Variants in KCND2 observed in about 807,000 individuals in gnomAD.
KCND2 encodes potassium voltage-gated channel subfamily D member 2, also known as A-type voltage-gated potassium channel KCND2.
KCND2 carries 16 observed loss-of-function variants against 54.4 expected under a neutral mutation model. That is an observed-to-expected ratio of 0.29 (90% CI 0.20 to 0.45). KCND2 has a LOEUF of 0.45. Among genes scored for constraint, KCND2 ranks in the 20% least tolerant of loss-of-function variants. The pLI is 1.00. For missense variants in KCND2, 486 were observed against 824.2 expected (o/e 0.59, Z 5.02); for synonymous variants, 317 against 310.7 (o/e 1.02, Z -0.21).
At chr7:120,696,287 G>A (rs1792331663) in intron 1 of KCND2, among the ~76,000 whole-genome samples, 1 of 152,158 alleles carries the variant, frequency 6.6e-6, no homozygotes. Context: ...GAAAAATACA[G>A]TCTGATCTGA....
chr7:120,274,709 C>G lies in KCND2; in HGVS notation c.77C>G (p.Pro26Arg). Residue 26 changes from proline to arginine, a missense_variant, in exon 1 of 6, where the codon CCT (proline) becomes CGT (arginine). By Grantham distance (103) the Pro-to-Arg change is moderately radical. Around this residue, in one of 7 missense-constraint regions of KCND2, gnomAD observed 231 missense variants for 386.0 expected, o/e 0.60. Coordinates refer to ENST00000331113, the MANE Select transcript of KCND2 (RefSeq NM_012281.3). ...GGGTGGATGCCTGTGGCCTCGGGGCCTATGCCGGCTCCCCCGAGGCAGGAG... is the reference window on the plus strand; with the variant it reads ...GGGTGGATGCCTGTGGCCTCGGGGCGTATGCCGGCTCCCCCGAGGCAGGAG... ...AIGWMPVASG[P>R]MPAPPRQERK... The G allele has an allele frequency of 6.2e-7, 1 of 1,613,818 alleles. No individual in the cohort carries two copies. The highest frequency in any genetic ancestry group is 8.5e-7 in the Non-Finnish European group (1 of 1,179,966).
rs1335605859 is a variant in KCND2 at position 120,678,372 on chromosome 7, TACGCACACAC to T, written c.1116-54528_1116-54519del. On this transcript the variant is annotated intron_variant, in intron 1 of 5. Coordinates refer to ENST00000331113, the MANE Select transcript of KCND2 (RefSeq NM_012281.3). ...ATATATATATATATATATATATATATACGCACACACACATATATAGACACATACACACATA... is the reference window on the plus strand; with the variant it reads ...ATATATATATATATATATATATATATACATATATAGACACATACACACATA... 5.0e-3 allele frequency among the ~76,000 whole-genome samples: 664 copies of T among 133,002 alleles called. 2 individuals carry two copies. Among genetic ancestry groups the T allele is most frequent in the East Asian group, 0.015 (60 of 3,920 alleles). 87.3% of individuals were successfully genotyped at this position (133,002 alleles called of 152,430 possible). A position where few individuals can be genotyped will look rare whatever the true frequency, so the allele number is the denominator to read the frequency against.
intron 1 of KCND2, among the ~76,000 whole-genome samples, chr7:120,406,361 T>C (rs1443686074): frequency 6.6e-6 from 1 of 152,018 alleles, no homozygotes; most frequent in Non-Finnish European, 1.5e-5. Flanking sequence ...TTCACTGCAT[T>C]AATATTCAGT....
intron 1 of KCND2, among the ~76,000 whole-genome samples, chr7:120,315,051 A>G (rs1799793344): frequency 6.6e-6 from 1 of 152,186 alleles, no homozygotes; most frequent in South Asian, 2.1e-4. Flanking sequence ...GATATATGGA[A>G]GTAAATTATC....
intron 1 of KCND2, among the ~76,000 whole-genome samples, chr7:120,528,280 A>AG (rs1177774861): frequency 6.6e-6 from 1 of 152,136 alleles, no homozygotes; most frequent in Non-Finnish European, 1.5e-5. Context: ...AAATTTTCTT[A>AG]GCTGTGCGGA....
intron 1 of KCND2, among the ~76,000 whole-genome samples, chr7:120,426,993 G>T (rs547642071): frequency 2.6e-5 from 4 of 152,242 alleles, no homozygotes; most frequent in East Asian, 1.9e-4. Flanking sequence ...TTCTCTAAAG[G>T]AAATGTCTTC....
chr7:120,398,180 C>T (rs200418234), intron 1 of KCND2, among the ~76,000 whole-genome samples: 18 of 114,832 alleles, frequency 1.6e-4, no homozygotes, highest in South Asian at 2.4e-4. Context: ...CACACACACA[C>T]ATATATATAT....
intron 1 of KCND2, among the ~76,000 whole-genome samples, chr7:120,375,893 T>C (rs17376905): frequency 0.1 from 15,498 of 151,782 alleles, 832 homozygotes; most frequent in Admixed American, 0.13. Flanking sequence ...AGGGCTTTAG[T>C]GGGAAAATAA....
At chr7:120,686,952 A>C (rs1390015579) in intron 1 of KCND2, among the ~76,000 whole-genome samples, 3 of 152,130 alleles carry the variant, frequency 2.0e-5, no homozygotes, top group African/African-American at 4.8e-5. Flanking sequence ...GTGAACAATT[A>C]TTATTTTAGA....
At chr7:120,296,860 T>G (rs1799519867) in intron 1 of KCND2, among the ~76,000 whole-genome samples, 1 of 152,108 alleles carries the variant, frequency 6.6e-6, no homozygotes, top group African/African-American at 2.4e-5. Context: ...ACACTATGCT[T>G]CTTATCCATT....
At chr7:120,323,998 G>T (rs1242704241) in intron 1 of KCND2, among the ~76,000 whole-genome samples, 1 of 142,354 alleles carries the variant, frequency 7.0e-6, no homozygotes, top group Non-Finnish European at 1.5e-5. Context: ...ATTCTAACTG[G>T]TGTGAGATGG....
chr7:120,340,711 CT>C (rs1031760368), intron 1 of KCND2, among the ~76,000 whole-genome samples: 7 of 152,036 alleles, frequency 4.6e-5, no homozygotes, highest in Non-Finnish European at 1.0e-4. Flanking sequence ...GACAAGGATG[CT>C]TTTGTTGTAA....
chr7:120,505,212 C>T (rs894602524), intron 1 of KCND2, among the ~76,000 whole-genome samples: 3 of 151,420 alleles, frequency 2.0e-5, no homozygotes, highest in Admixed American at 6.6e-5. Context: ...TGAAGACTGG[C>T]GTGAGGTGGC....
intron 1 of KCND2, among the ~76,000 whole-genome samples, chr7:120,587,333 C>A (rs1792612489): frequency 6.6e-6 from 1 of 152,158 alleles, no homozygotes; most frequent in Non-Finnish European, 1.5e-5. Flanking sequence ...AGATAGAAAT[C>A]TTTCGCAAAT....
At chr7:120,503,286 G>C (rs1213269442) in intron 1 of KCND2, among the ~76,000 whole-genome samples, 4 of 151,828 alleles carry the variant, frequency 2.6e-5, no homozygotes, top group Non-Finnish European at 5.9e-5. Context: ...TTTAAAATGT[G>C]GCATTAAATG....
At chr7:120,537,155 A>G (rs989910627) in intron 1 of KCND2, among the ~76,000 whole-genome samples, 1 of 152,202 alleles carries the variant, frequency 6.6e-6, no homozygotes, top group Non-Finnish European at 1.5e-5. Flanking sequence ...TGCAGGATAC[A>G]TGTTACGTTA....
At chr7:120,603,277 A>G (rs1026228903) in intron 1 of KCND2, among the ~76,000 whole-genome samples, 2 of 152,206 alleles carry the variant, frequency 1.3e-5, no homozygotes, top group African/African-American at 4.8e-5. Flanking sequence ...CTAGCTCCTC[A>G]ACGCCATAGG....
chr7:120,577,313 T>C (rs1792447528), intron 1 of KCND2, among the ~76,000 whole-genome samples: 1 of 152,202 alleles, frequency 6.6e-6, no homozygotes. Context: ...ATAGAGGTGA[T>C]TAATTATTGC....
intron 1 of KCND2, among the ~76,000 whole-genome samples, chr7:120,362,217 A>G (rs957940431): frequency 6.6e-6 from 1 of 152,120 alleles, no homozygotes; most frequent in Admixed American, 6.6e-5. Flanking sequence ...TACCCTCTCC[A>G]TAAATAATTT....
Sources: allele counts gnomAD v4.1 joint callset (sites outside exome capture counted in the v4.1 genomes callset), GRCh38; gene constraint gnomAD v4.1.1; regional missense constraint gnomAD v4.1.1; transcripts MANE v1.5; gene names NCBI Gene and HGNC (gene_info 2026-07-23, HGNC 2026-07-21).